The following MEIS1 variants were observed in gnomAD, a reference collection of about 807,000 sequenced individuals.
MEIS1 encodes homeobox protein Meis1.
In MEIS1, 5 loss-of-function variants were observed where a neutral mutation model predicts 50.8. That is an observed-to-expected ratio of 0.10 (90% CI 0.05 to 0.21). The LOEUF (loss-of-function observed/expected upper bound fraction) is 0.21. Among genes scored for constraint, MEIS1 ranks in the 10% least tolerant of loss-of-function variants. The pLI is 1.00. For synonymous variants in MEIS1, 176 were observed against 179.3 expected (o/e 0.98, Z 0.15); for missense variants, 318 against 517.3 (o/e 0.61, Z 3.74).
chr2:66,514,415 C>T (rs1673912217), intron 8 of MEIS1, among the ~76,000 whole-genome samples: 1 of 152,158 alleles, frequency 6.6e-6, no homozygotes, highest in East Asian at 1.9e-4. Context: ...CTTATATGGA[C>T]TATGTGTTTG....
chr2:66,452,783 G>A (rs1672304838), intron 6 of MEIS1, among the ~76,000 whole-genome samples: 1 of 151,766 alleles, frequency 6.6e-6, no homozygotes, highest in Admixed American at 6.6e-5. Context: ...TGTATTTGGT[G>A]GCTTGGCCTA....
At chr2:66,515,401 A>C (rs1382201840) in intron 8 of MEIS1, among the ~76,000 whole-genome samples, 2 of 152,158 alleles carry the variant, frequency 1.3e-5, no homozygotes, top group Admixed American at 6.5e-5. Context: ...CCTGAATTAA[A>C]AACCAAAACA....
intron 7 of MEIS1, among the ~76,000 whole-genome samples, chr2:66,492,460 G>A (rs1673296118): frequency 6.6e-6 from 1 of 152,134 alleles, no homozygotes; most frequent in African/African-American, 2.4e-5. Flanking sequence ...ACACATGGTC[G>A]ATAACTCTTT....
intron 11 of MEIS1, 61 bp downstream of exon 11, chr2:66,568,817 C>A: frequency 7.0e-7 from 1 of 1,420,650 alleles, no homozygotes; most frequent in Non-Finnish European, 1.0e-6. Flanking sequence ...ATCCCCTCAT[C>A]AACACAGGTA....
intron 7 of MEIS1, among the ~76,000 whole-genome samples, chr2:66,464,739 C>T (rs906253073): frequency 2.0e-5 from 3 of 152,100 alleles, no homozygotes; most frequent in Admixed American, 6.5e-5. Context: ...ATTGCAAAGC[C>T]AGACTAAATA....
At chr2:66,534,318 G>A (rs1250334711) in intron 8 of MEIS1, among the ~76,000 whole-genome samples, 1 of 152,084 alleles carries the variant, frequency 6.6e-6, no homozygotes, top group Non-Finnish European at 1.5e-5. Context: ...GGCGGATCAC[G>A]AGGTCAGGGG....
At chr2:66,493,288 C>T (rs1329600864) in intron 7 of MEIS1, among the ~76,000 whole-genome samples, 1 of 152,104 alleles carries the variant, frequency 6.6e-6, no homozygotes, top group Non-Finnish European at 1.5e-5. Flanking sequence ...TGGTACTCTT[C>T]CAGTAATATA....
chr2:66,569,001 G>C, intron 11 of MEIS1, 49 bp from the exon 12 acceptor site: 1 of 1,527,116 alleles, frequency 6.5e-7, no homozygotes, highest in Non-Finnish European at 9.1e-7. Flanking sequence ...ACTATCTGTT[G>C]ACTTTGCTCA....
At chr2:66,461,785 A>T in intron 6 of MEIS1, 1 of 448,766 alleles carries the variant, frequency 2.2e-6, no homozygotes, top group Non-Finnish European at 4.6e-6. Flanking sequence ...AATGCAATGA[A>T]TCGGAATGCC....
Position 66,456,639 on chromosome 2 carries a change from A to T in MEIS1, c.631-7470A>T, listed in dbSNP as rs1398693044. ...GCACATTTTATCACAGCATTAAAAA[A>T]GGGTTCAACAAGAACCCTGGCAGGG... On this transcript the variant is annotated intron_variant, in intron 6 of 12. Transcript: ENST00000272369. Among the ~76,000 whole-genome samples the T allele has an allele frequency of 9.9e-5, 15 of 152,256 alleles. 1 individual carries two copies. Among genetic ancestry groups the T allele is most frequent in the Admixed American group, 3.9e-4 (6 of 15,288 alleles).
chr2:66,440,646 C>T lies in MEIS1; in HGVS notation c.432+34C>T, dbSNP rs751246071. On this transcript the variant is annotated intron_variant, in intron 4 of 12. Coordinates refer to ENST00000272369, the MANE Select transcript of MEIS1 (RefSeq NM_002398.3). The stretch of plus-strand genomic sequence containing the variant: ...GGACCCCTATTTCCCTCCCCCGCCC[C>T]CGACCCCCTACCTCCCACCTCCAAC... 92 of 1,380,214 alleles carry T rather than the reference C, an allele frequency of 6.7e-5. 1 individual carries two copies. Among genetic ancestry groups the T allele is most frequent in the Non-Finnish European group, 8.4e-5 (84 of 1,005,488 alleles). 85.5% of individuals were successfully genotyped at this position (1,380,214 alleles called of 1,614,324 possible).
At chr2:66,535,119 T>G (rs1674486519) in intron 8 of MEIS1, among the ~76,000 whole-genome samples, 1 of 152,116 alleles carries the variant, frequency 6.6e-6, no homozygotes, top group Non-Finnish European at 1.5e-5. Flanking sequence ...CAAGATAAAC[T>G]TTGAGCTTCA....
chr2:66,486,047 T>C (rs1171921574), intron 7 of MEIS1, among the ~76,000 whole-genome samples: 2 of 152,228 alleles, frequency 1.3e-5, no homozygotes, highest in Non-Finnish European at 2.9e-5. Flanking sequence ...TTCTGTAGGT[T>C]GTCTTTTCAC....
intron 7 of MEIS1, among the ~76,000 whole-genome samples, chr2:66,489,571 T>C (rs541610503): frequency 1.3e-5 from 2 of 152,290 alleles, no homozygotes; most frequent in South Asian, 4.1e-4. Flanking sequence ...AGCATGGCAT[T>C]GTGGAGAATA....
At chr2:66,509,535 C>A (rs1673772255) in intron 7 of MEIS1, among the ~76,000 whole-genome samples, 1 of 152,160 alleles carries the variant, frequency 6.6e-6, no homozygotes, top group South Asian at 2.1e-4. Context: ...TAATAGAAAC[C>A]TTTTATTCAG....
intron 7 of MEIS1, among the ~76,000 whole-genome samples, chr2:66,478,577 T>C (rs1171233002): frequency 6.6e-6 from 1 of 152,238 alleles, no homozygotes; most frequent in Admixed American, 6.5e-5. Context: ...GAAAGAACTA[T>C]GTGGTCTTTG....
chr2:66,477,020 G>A lies in MEIS1; in HGVS notation c.742+12800G>A, dbSNP rs189619260. On this transcript the variant is annotated intron_variant, in intron 7 of 12. Coordinates refer to ENST00000272369, the MANE Select transcript of MEIS1 (RefSeq NM_002398.3). ...GTGAGAGAGGAAGAGTCTGAGGTAAGGCCCAAGAGGTAACAGGGGCAAGAC... is the reference window on the plus strand; with the variant it reads ...GTGAGAGAGGAAGAGTCTGAGGTAAAGCCCAAGAGGTAACAGGGGCAAGAC... Among the ~76,000 whole-genome samples the A allele has an allele frequency of 5.2e-3, 788 of 152,260 alleles. 5 individuals carry two copies. Among genetic ancestry groups the A allele is most frequent in the African/African-American group, 0.018 (738 of 41,554 alleles).
chr2:66,562,717 G>A (rs1675248617), intron 9 of MEIS1, among the ~76,000 whole-genome samples: 1 of 151,982 alleles, frequency 6.6e-6, no homozygotes, highest in African/African-American at 2.4e-5. Context: ...CCTTTCCTTT[G>A]TAAAGCTTTT....
intron 12 of MEIS1, chr2:66,570,696 G>A (rs1675465483): frequency 6.5e-6 from 1 of 152,708 alleles, no homozygotes; most frequent in Non-Finnish European, 1.5e-5. Flanking sequence ...TATTGTTTTA[G>A]GTCCAATTTT....
Sources: allele counts gnomAD v4.1 joint callset (sites outside exome capture counted in the v4.1 genomes callset), GRCh38; gene constraint gnomAD v4.1.1; transcripts MANE v1.5; gene names NCBI Gene and HGNC (gene_info 2026-07-23, HGNC 2026-07-21).